EXOSC10: variants seen among roughly 807,000 people sequenced by gnomAD.
EXOSC10 encodes the protein exosome complex component 10.
Under a neutral mutation model 126.6 loss-of-function variants are expected in EXOSC10, and 94 were observed. The ratio of observed to expected loss-of-function variants is 0.74; its 90% confidence interval spans 0.63 to 0.88. EXOSC10 has a LOEUF of 0.88. Ranked by LOEUF, EXOSC10 falls within the 40% of genes least tolerant of loss-of-function variation. EXOSC10 has a pLI of 0.00. For synonymous variants in EXOSC10, 395 were observed against 400.8 expected (o/e 0.99, Z 0.17); for missense variants, 1,041 against 1,100.5 (o/e 0.95, Z 0.77).
chr1:11,074,089 T>A, intron 18 of EXOSC10, 81 bp from the exon 19 acceptor site: 3 of 1,454,580 alleles, frequency 2.1e-6, no homozygotes, highest in African/African-American at 1.4e-5. Context: ...AGATGGGGGG[T>A]TGCTGGTGCC....
At chr1:11,068,222 G>A (rs1056797395) in intron 23 of EXOSC10, 138 bp from the exon 24 acceptor site, 6 of 698,216 alleles carry the variant, frequency 8.6e-6, no homozygotes, top group Admixed American at 5.4e-5. Context: ...GGATGTTTCT[G>A]TGTCTCTGAA....
Position 11,082,134 on chromosome 1 carries a change from A to T in EXOSC10, c.1280+554T>A, listed in dbSNP as rs150329639. ...GGCATTCTGGCATGTGGAATTCCTG[A>T]AAAAGCTCAGTAGCACCTTCCTATG... On this transcript the variant is annotated intron_variant, in intron 10 of 24. Coordinates refer to ENST00000376936, the MANE Select transcript of EXOSC10 (RefSeq NM_001001998.3). Among the ~76,000 whole-genome samples the T allele has an allele frequency of 2.1e-4, 32 of 152,248 alleles. No homozygotes were observed. The East Asian group carries it at 6.2e-3, about 29-fold the overall frequency.
At chr1:11,074,115 C>A in intron 18 of EXOSC10, 107 bp from the exon 19 acceptor site, 2 of 1,375,556 alleles carry the variant, frequency 1.5e-6, no homozygotes, top group Non-Finnish European at 2.1e-6. Flanking sequence ...AGCGTCTTTG[C>A]CAGGACACCA....
At chr1:11,076,985 G>A (rs200673142) in intron 16 of EXOSC10, 37 bp from the exon 17 acceptor site, 10 of 1,534,260 alleles carry the variant, frequency 6.5e-6, no homozygotes, top group Non-Finnish European at 9.0e-6. Flanking sequence ...AAAGCCTACA[G>A]AATTTTGTTT....
chr1:11,096,471 C>CTTTTT (rs70977546), intron 2 of EXOSC10, among the ~76,000 whole-genome samples: 1 of 118,796 alleles, frequency 8.4e-6, no homozygotes, highest in African/African-American at 3.1e-5. Flanking sequence ...TTCTTTCTTT[C>CTTTTT]TTTTTTTTTT....
intron 14 of EXOSC10, among the ~76,000 whole-genome samples, chr1:11,078,065 G>A (rs532805207): frequency 4.6e-5 from 7 of 152,162 alleles, no homozygotes; most frequent in Admixed American, 2.0e-4. Flanking sequence ...TTGAGCCCAC[G>A]GGTTCAAGAC....
intron 6 of EXOSC10, among the ~76,000 whole-genome samples, chr1:11,088,482 G>C (rs1362224027): frequency 2.0e-5 from 3 of 152,224 alleles, no homozygotes; most frequent in Non-Finnish European, 1.5e-5. Flanking sequence ...GTACTGTATA[G>C]TTGATGTTGT....
chr1:11,087,693 T>A, intron 8 of EXOSC10, 102 bp from the exon 9 acceptor site: 1 of 1,509,516 alleles, frequency 6.6e-7, no homozygotes, highest in Non-Finnish European at 9.0e-7. Context: ...GTTATATGAT[T>A]AATTTTTTAC....
chr1:11,095,194 C>A (rs1292973364), intron 3 of EXOSC10, among the ~76,000 whole-genome samples: 6 of 122,884 alleles, frequency 4.9e-5, no homozygotes, highest in East Asian at 2.6e-4. Context: ...CCTGGGCAAC[C>A]AAGCAAGACT....
At chr1:11,076,098 G>A (rs180932408) in intron 17 of EXOSC10, among the ~76,000 whole-genome samples, 113 of 152,124 alleles carry the variant, frequency 7.4e-4, no homozygotes, top group Middle Eastern at 3.4e-3. Flanking sequence ...CTGGGAGGTG[G>A]AGGTTGCAGT....
rs1159328740 is a variant in EXOSC10 at position 11,079,808 on chromosome 1, A to C, written c.1652T>G (p.Ile551Ser). Residue 551 changes from isoleucine to serine, a missense_variant, in exon 14 of 25, where the codon ATC becomes AGC. By Grantham distance (142) the Ile-to-Ser change is moderately radical (BLOSUM62 -2). Transcript: ENST00000376936. ...AEELPKEPQG[I>S]IACCNPVPPL... ...CGGTACTGGGTTGCAGCAAGCTATG[A>C]TGCCCTGAGGTTCCCTGAAGACAAG... 2 of 1,612,748 alleles carry C rather than the reference A, an allele frequency of 1.2e-6. No homozygotes were observed. Among genetic ancestry groups the C allele is most frequent in the South Asian group, 1.1e-5 (1 of 90,708 alleles).
Position 11,080,562 on chromosome 1 carries a change from AAACACAC to A in EXOSC10, c.1587-20_1587-14del, listed in dbSNP as rs1415626549. On this transcript the variant is annotated splice_polypyrimidine_tract_variant and intron_variant, in intron 12 of 24. Transcript: ENST00000376936. ...TGGCAGTACATATCTGGAAAAAAAAAAACACACACACACACACACACACACACACACA... is the reference window on the plus strand; with the variant it reads ...TGGCAGTACATATCTGGAAAAAAAAAACACACACACACACACACACACACA... The A allele has an allele frequency of 1.6e-5, 24 of 1,478,326 alleles. No homozygotes were observed. In the African/African-American group the frequency reaches 4.2e-4, roughly 26 times the overall value. 91.6% of individuals were successfully genotyped at this position (1,478,326 alleles called of 1,614,324 possible).
Position 11,072,097 on chromosome 1 carries a change from A to G in EXOSC10, c.2232T>C (p.Ala744=). 1 of 1,613,478 alleles carries G rather than the reference A, an allele frequency of 6.2e-7. No homozygotes were observed. The highest frequency in any genetic ancestry group is 2.2e-5 in the East Asian group (1 of 44,864). The change falls in exon 20 of 25, where the codon GCT becomes GCC. Residue 744 remains alanine (A), a synonymous_variant. Transcript: ENST00000376936. ...GGAAGTGAGTGTTACCTGTTTGCTC[A>G]GCTGCCTTCTTCTTGACAGCTTCTT... ...DSKEAVKKKA[A]EQTAAREQAK...
chr1:11,090,727 AC>A, intron 5 of EXOSC10, 59 bp from the exon 6 acceptor site: 1 of 1,241,494 alleles, frequency 8.1e-7, no homozygotes, highest in Non-Finnish European at 1.1e-6. Context: ...TTCTAATTAC[AC>A]AGGGGTAAAC....
chr1:11,071,216 G>A (rs1639468762), intron 20 of EXOSC10: 2 of 512,232 alleles, frequency 3.9e-6, no homozygotes, highest in Non-Finnish European at 6.9e-6. Context: ...CCTCTTCTGT[G>A]AACCTAAATG....
At chr1:11,091,341 G>A in intron 4 of EXOSC10, 152 bp downstream of exon 4, 1 of 880,244 alleles carries the variant, frequency 1.1e-6, no homozygotes, top group Non-Finnish European at 1.7e-6. Flanking sequence ...GAAGAAGAGG[G>A]TGTAATTAGT....
chr1:11,098,244 A>G (rs888489242), intron 1 of EXOSC10, 88 bp from the exon 2 acceptor site: 1 of 1,431,772 alleles, frequency 7.0e-7, no homozygotes, highest in East Asian at 2.4e-5. Context: ...TATACAAGGT[A>G]TCTACTCTTC....
chr1:11,094,749 T>C (rs72470193), intron 3 of EXOSC10, among the ~76,000 whole-genome samples: 10,955 of 152,074 alleles, frequency 0.072, 615 homozygotes, highest in East Asian at 0.15. Context: ...GACAGGTGTG[T>C]GCCACCATGG....
chr1:11,068,074 G>A lies in EXOSC10; in HGVS notation c.2561C>T (p.Ala854Val). 6.2e-7 allele frequency: 1 copy of A among 1,614,022 alleles called. No homozygotes were observed. The change falls in exon 24 of 25, where the codon GCA becomes GTA. Residue 854 changes from alanine to valine, a missense_variant. By Grantham distance (64) the Ala-to-Val change is moderately conservative (BLOSUM62 0). Coordinates refer to ENST00000376936, the MANE Select transcript of EXOSC10 (RefSeq NM_001001998.3). ...CACCGACTGTTTAATTTTTTTGGCT[G>A]CAATGCATTTCTGAAAAGAAAAGAA... The part of the protein sequence containing the change: ...KQTPSGKKCI[A>V]AKKIKQSVGN...
Sources: allele counts gnomAD v4.1 joint callset (sites outside exome capture counted in the v4.1 genomes callset), GRCh38; gene constraint gnomAD v4.1.1; transcripts MANE v1.5; gene names NCBI Gene and HGNC (gene_info 2026-07-23, HGNC 2026-07-21).